Variants in PATJ observed in about 807,000 individuals in gnomAD.
PATJ encodes the protein PATJ crumbs cell polarity complex component.
Under a neutral mutation model 224.9 loss-of-function variants are expected in PATJ, and 190 were observed. The ratio of observed to expected loss-of-function variants is 0.84; its 90% CI spans 0.75 to 0.95. The LOEUF is 0.95. Among genes scored for constraint, PATJ ranks in the 40% least tolerant of loss-of-function variants. PATJ has a pLI of 0.00. For missense variants in PATJ, 2,121 were observed against 2,270.3 expected, an observed-to-expected ratio of 0.93 and a Z score of 1.34; for synonymous variants, 769 against 820.3, an observed-to-expected ratio of 0.94 and a Z score of 1.07.
intron 39 of PATJ, 73 bp from the exon 40 acceptor site, chr1:62,127,899 C>G: frequency 1.3e-6 from 2 of 1,509,524 alleles, no homozygotes; most frequent in Non-Finnish European, 1.8e-6. Flanking sequence ...GTTCCAACAG[C>G]TATCTATCTA....
At chr1:62,098,869 T>A (rs921428472) in intron 33 of PATJ, among the ~76,000 whole-genome samples, 6 of 151,984 alleles carry the variant, frequency 3.9e-5, no homozygotes, top group African/African-American at 1.2e-4. Context: ...AACATTCAAA[T>A]TTTTTTTATT....
At chr1:62,103,037 G>C (rs1662415178) in intron 33 of PATJ, among the ~76,000 whole-genome samples, 1 of 152,034 alleles carries the variant, frequency 6.6e-6, no homozygotes, top group Non-Finnish European at 1.5e-5. Context: ...TTCAACTTCT[G>C]CTTCCACAAG....
chr1:61,974,579 G>A (rs1411873390), intron 27 of PATJ, among the ~76,000 whole-genome samples: 2 of 151,452 alleles, frequency 1.3e-5, no homozygotes, highest in East Asian at 1.9e-4. Flanking sequence ...CTCCATCCAG[G>A]GTGACAGAAT....
chr1:62,131,014 T>C (rs1348015345), intron 41 of PATJ, among the ~76,000 whole-genome samples: 3 of 152,146 alleles, frequency 2.0e-5, no homozygotes, highest in Non-Finnish European at 4.4e-5. Context: ...ACACTAGTCT[T>C]TAAGTTAAAA....
At chr1:61,822,428 A>AG (rs1482184586) in intron 14 of PATJ, among the ~76,000 whole-genome samples, 3 of 119,082 alleles carry the variant, frequency 2.5e-5, no homozygotes, top group Admixed American at 9.5e-5. Flanking sequence ...AGACTGTGTC[A>AG]GAAAAAAAAA....
rs1363563984 is a variant in PATJ, at chr1:62,121,186, TCAGCAGAGTGCACA to T, written c.4903_4916del (p.Ser1635LeufsTer39). 1.2e-6 allele frequency: 2 copies of T among 1,611,460 alleles called. No homozygotes were observed. Among genetic ancestry groups the T allele is most frequent in the Admixed American group, 3.3e-5 (2 of 59,762 alleles). ...CCCCTGGGTCTTTCTTTCAGGGTAG[TCAGCAGAGTGCACA>T]CAGCAGCTGTCATCCCTCCTTCGCT... On this transcript the variant is annotated frameshift_variant, in exon 38 of 44. Coordinates refer to ENST00000642238, the MANE Select transcript of PATJ (RefSeq NM_001350145.3). LOFTEE classifies it high-confidence loss of function.
chr1:61,791,357 C>G lies in PATJ; in HGVS notation c.1078C>G (p.Leu360Val). The change falls in exon 9 of 44, where the codon CTT (leucine) becomes GTT (valine). Residue 360 changes from leucine (L) to valine (V), a missense_variant. Leu to Val is a conservative substitution (Grantham distance 32). Transcript: ENST00000642238. Reference protein sequence around the residue: ...ASKGPGSDSSLFETYNVELVR... With the variant: ...ASKGPGSDSSVFETYNVELVR... ...TGTTTTTTCCTTTTAGGACAGTTCT[C>G]TTTTTGAAACTTATAATGTTGAGCT... is the stretch of plus-strand genomic sequence containing the variant. 6.2e-7 allele frequency: 1 copy of G among 1,605,978 alleles called. No homozygotes were observed. Among genetic ancestry groups the G allele is most frequent in the Middle Eastern group, 1.7e-4 (1 of 6,042 alleles).
intron 14 of PATJ, 81 bp downstream of exon 14, chr1:61,808,611 A>C: frequency 7.1e-6 from 6 of 850,330 alleles, no homozygotes; most frequent in Non-Finnish European, 1.2e-5. Context: ...GGTTGGTCTC[A>C]AACTCATAGG....
intron 33 of PATJ, among the ~76,000 whole-genome samples, chr1:62,106,115 C>CACACACACACACACACACAT (rs140461579): frequency 2.2e-5 from 1 of 46,464 alleles, no homozygotes; most frequent in African/African-American, 7.6e-5. Flanking sequence ...CACACACACA[C>CACACACACACACACACACAT]ACACAAACAC....
At chr1:62,076,876 G>C (rs368954054) in intron 31 of PATJ, among the ~76,000 whole-genome samples, 4 of 152,166 alleles carry the variant, frequency 2.6e-5, no homozygotes, top group Non-Finnish European at 5.9e-5. Context: ...GGTAAGTACT[G>C]TGTGAGTTAA....
rs1379045151 is a variant in PATJ, at chr1:62,054,309, G to A, written c.4125+3251G>A. On this transcript the variant is annotated intron_variant, in intron 31 of 43. Transcript: ENST00000642238. ...ACCTGGGAGGTTGAGGTGGCAGTAAGCTGTGATTGTGCCACTGCACTCCAG... is the reference window on the plus strand; with the variant it reads ...ACCTGGGAGGTTGAGGTGGCAGTAAACTGTGATTGTGCCACTGCACTCCAG... The A allele has an allele frequency of 7.0e-6, 3 of 428,368 alleles. No individual in the cohort carries two copies. The Admixed American group carries it at 7.7e-5, about 11-fold the overall frequency. The allele number at this position is 428,368 out of a possible 1,614,324, so 26.5% of individuals were successfully genotyped here.
intron 17 of PATJ, among the ~76,000 whole-genome samples, chr1:61,839,765 CAAT>C (rs1660775881): frequency 6.6e-6 from 1 of 151,956 alleles, no homozygotes; most frequent in Non-Finnish European, 1.5e-5. Flanking sequence ...ATTTATTAAC[CAAT>C]AATTCTCCTC....
chr1:61,974,205 A>G (rs72914066), intron 27 of PATJ, among the ~76,000 whole-genome samples: 1,949 of 151,982 alleles, frequency 0.013, 65 homozygotes, highest in African/African-American at 0.044. Context: ...TGTGAGCCTG[A>G]TAGTTTGAGC....
chr1:61,994,554 T>C (rs1407382411), intron 28 of PATJ, among the ~76,000 whole-genome samples: 1 of 151,828 alleles, frequency 6.6e-6, no homozygotes, highest in Non-Finnish European at 1.5e-5. Flanking sequence ...ATATACAGGA[T>C]TCTTTTTTTT....
At chr1:62,039,335 T>C (rs1651030559) in intron 30 of PATJ, among the ~76,000 whole-genome samples, 1 of 152,192 alleles carries the variant, frequency 6.6e-6, no homozygotes, top group South Asian at 2.1e-4. Context: ...CCAGGTCACT[T>C]TGTGTATAGA....
chr1:62,160,987 CT>C lies in PATJ; in HGVS notation c.5583del (p.His1862MetfsTer8), dbSNP rs1483722831. The C allele has an allele frequency of 1.2e-6, 2 of 1,612,000 alleles. No homozygotes were observed. Among genetic ancestry groups the C allele is most frequent in the African/African-American group, 2.7e-5 (2 of 74,836 alleles). Reference protein sequence around the residue: ...AVNGETLEGVTHEQAVAILKH... With the variant: ...AVNGETLEGVXHEQAVAILKH... The stretch of plus-strand genomic sequence containing the variant: ...AATGGCGAGACCCTGGAAGGTGTTA[CT>C]CATGAGCAAGCAGTCGCCATTCTAA... On this transcript the variant is annotated frameshift_variant, in exon 44 of 44. Transcript: ENST00000642238. LOFTEE classifies it high-confidence loss of function.
chr1:61,807,247 A>G (rs1653774306), intron 13 of PATJ, among the ~76,000 whole-genome samples: 1 of 152,208 alleles, frequency 6.6e-6, no homozygotes, highest in Admixed American at 6.5e-5. Flanking sequence ...GTACAATCAT[A>G]GTTCACTGCA....
At chr1:61,891,516 G>A (rs191983468) in intron 22 of PATJ, among the ~76,000 whole-genome samples, 16 of 152,266 alleles carry the variant, frequency 1.1e-4, no homozygotes, top group Admixed American at 6.5e-4. Flanking sequence ...CTGTGGCCTC[G>A]AGCACGTGAC....
At chr1:62,139,128 C>T (rs1370354846) in intron 41 of PATJ, among the ~76,000 whole-genome samples, 3 of 152,104 alleles carry the variant, frequency 2.0e-5, no homozygotes, top group African/African-American at 4.8e-5. Flanking sequence ...TGGCCGGGCA[C>T]GGTGGCTCAC....
Sources: gnomAD v4.1 joint callset for allele counts (sites outside exome capture counted in the v4.1 genomes callset) on GRCh38, gnomAD v4.1.1 for gene constraint, MANE v1.5 for transcripts, NCBI Gene and HGNC (gene_info 2026-07-23, HGNC 2026-07-21) for gene names.